The following AMOTL1 variants were observed in gnomAD, a reference collection of about 807,000 sequenced individuals.
AMOTL1 encodes angiomotin-like protein 1.
AMOTL1 carries 45 observed loss-of-function variants against 102.9 expected under a neutral mutation model. The observed-to-expected ratio is 0.44, with a 90% CI of 0.34 to 0.56. The LOEUF (loss-of-function observed/expected upper bound fraction) is 0.56. Ranked by LOEUF, AMOTL1 falls within the 20% of genes least tolerant of loss-of-function variation. The pLI, the probability that AMOTL1 is intolerant of heterozygous loss-of-function variation, is 0.01. For missense variants in AMOTL1, 1,114 were observed against 1,225.6 expected, an observed-to-expected ratio of 0.91 and a Z score of 1.36; for synonymous variants, 481 against 484.7, an observed-to-expected ratio of 0.99 and a Z score of 0.10.
In AMOTL1 at chr11:94,821,807, G is replaced by A. The variant is rs764323867; in HGVS notation, c.1399G>A (p.Asp467Asn). The A allele has an allele frequency of 1.4e-5, 22 of 1,613,728 alleles. No individual in the cohort carries two copies. The highest frequency in any genetic ancestry group is 1.0e-4 in the Admixed American group (6 of 60,000). ...ACTTCAGGGTTACTACGACAATGCC[G>A]ACAAGCTCCACAAGGTGCGTGACTT... ...QELQGYYDNADKLHKFEKELQ... is the reference protein window; with the variant it reads ...QELQGYYDNANKLHKFEKELQ... The change falls in exon 4 of 13, where the codon GAC becomes AAC. Residue 467 changes from aspartate to asparagine, a missense_variant. Physicochemically the swap from Asp to Asn is conservative, Grantham distance 23. Coordinates refer to ENST00000433060, the MANE Select transcript of AMOTL1 (RefSeq NM_130847.3).
At chr11:94,766,787 C>T (rs1950860086), upstream of AMOTL1, among the ~76,000 whole-genome samples, 1 of 152,234 alleles carries the variant, frequency 6.6e-6, no homozygotes, top group African/African-American at 2.4e-5. Flanking sequence ...AGTCATTCAA[C>T]AGCTATGCCT....
chr11:94,798,010 G>T (rs943690612), intron 2 of AMOTL1, among the ~76,000 whole-genome samples: 1 of 152,154 alleles, frequency 6.6e-6, no homozygotes, highest in Admixed American at 6.5e-5. Context: ...TTTGGAAGTG[G>T]GAATAAGATG....
Position 94,756,928 on chromosome 11 carries a change from G to A in AMOTL1, c.136+15940G>A, listed in dbSNP as rs115535564. Among the ~76,000 whole-genome samples, 608 of 151,556 alleles carry A rather than the reference G, an allele frequency of 4.0e-3. 7 individuals are homozygous for A. The highest frequency in any genetic ancestry group is 0.014 in the African/African-American group (573 of 41,168). The stretch of plus-strand genomic sequence containing the variant: ...CCCCTGCCTGAGTTTATATCAATCA[G>A]TTAATTAATATTCATTTGGGTATAG... On this transcript the variant is annotated intron_variant, in intron 3 of 4. Coordinates refer to the AMOTL1 transcript ENST00000299004.
At position 94,831,440 on chromosome 11, in the gene AMOTL1, C is replaced by T; in HGVS notation, c.1559-12C>T. 1 of 1,603,548 alleles carries T rather than the reference C, an allele frequency of 6.2e-7. No homozygotes were observed. The highest frequency in any genetic ancestry group is 8.5e-7 in the Non-Finnish European group (1 of 1,173,314). On this transcript the variant is annotated splice_polypyrimidine_tract_variant and intron_variant, in intron 5 of 12. Coordinates refer to ENST00000433060, the MANE Select transcript of AMOTL1 (RefSeq NM_130847.3). ...ATACATTTCTTTGTAATCATTTCCT[C>T]TTTGTTCATAGATCGACTAGAGACT...
intron 2 of AMOTL1, among the ~76,000 whole-genome samples, chr11:94,734,307 A>C (rs1347556526): frequency 6.6e-6 from 1 of 152,218 alleles, no homozygotes; most frequent in Non-Finnish European, 1.5e-5. Flanking sequence ...TACGAAACAA[A>C]GTAGTTACCT....
chr11:94,824,774 A>G (rs1339389087), intron 4 of AMOTL1, among the ~76,000 whole-genome samples: 1 of 152,210 alleles, frequency 6.6e-6, no homozygotes, highest in African/African-American at 2.4e-5. Context: ...CTTGTAGGAT[A>G]TGACCCCGCT....
chr11:94,801,236 TG>T (rs1204522233), intron 3 of AMOTL1, among the ~76,000 whole-genome samples: 1 of 152,184 alleles, frequency 6.6e-6, no homozygotes, highest in African/African-American at 2.4e-5. Flanking sequence ...CAGTATGTGC[TG>T]TGTGAGGGAG....
At chr11:94,733,954 T>G (rs887203566) in intron 2 of AMOTL1, among the ~76,000 whole-genome samples, 3 of 152,224 alleles carry the variant, frequency 2.0e-5, no homozygotes, top group Admixed American at 6.5e-5. Context: ...AAGATTCTTT[T>G]AAATCTTCCT....
chr11:94,868,785 G>A (rs1952933110), intron 11 of AMOTL1, among the ~76,000 whole-genome samples: 1 of 152,138 alleles, frequency 6.6e-6, no homozygotes, highest in South Asian at 2.1e-4. Context: ...GTAACAGCAA[G>A]CATGGTCTCT....
intron 1 of AMOTL1, among the ~76,000 whole-genome samples, chr11:94,780,616 G>T (rs1261833725): frequency 6.6e-6 from 1 of 152,180 alleles, no homozygotes; most frequent in East Asian, 1.9e-4. Flanking sequence ...CTTTACGGGG[G>T]TGATTCCTGT....
chr11:94,821,715 C>G lies in AMOTL1; in HGVS notation c.1307C>G (p.Ala436Gly). 6.2e-7 allele frequency: 1 copy of G among 1,614,002 alleles called. No individual in the cohort carries two copies. The highest frequency in any genetic ancestry group is 1.3e-5 in the African/African-American group (1 of 75,044). Residue 436 changes from alanine to glycine, a missense_variant, in exon 4 of 13, where the codon GCG becomes GGG. Transcript: ENST00000433060. ...CAGCAGCTTGGTCCAGATGCCTTTG[C>G]GATTGTGGAGCGAGCCCAGCAAATG... ...PSQQLGPDAF[A>G]IVERAQQMVE...
At chr11:94,786,263 T>C (rs1316915763) in intron 1 of AMOTL1, among the ~76,000 whole-genome samples, 1 of 152,256 alleles carries the variant, frequency 6.6e-6, no homozygotes, top group East Asian at 1.9e-4. Flanking sequence ...AGGCTAAATT[T>C]TAAAAATTAT....
intron 1 of AMOTL1, among the ~76,000 whole-genome samples, chr11:94,786,240 G>T (rs1337854161): frequency 6.6e-6 from 1 of 152,152 alleles, no homozygotes; most frequent in Non-Finnish European, 1.5e-5. Flanking sequence ...AGGACCTTTG[G>T]ATTTTATGTT....
chr11:94,813,567 C>G (rs536150102), intron 3 of AMOTL1, among the ~76,000 whole-genome samples: 1 of 152,380 alleles, frequency 6.6e-6, no homozygotes, highest in East Asian at 1.9e-4. Context: ...CATCCCTCCC[C>G]TCTCTCGCTA....
In AMOTL1 at chr11:94,821,722, G is replaced by A. The variant is rs767607889; in HGVS notation, c.1314G>A (p.Val438=). 2 of 1,614,044 alleles carry A rather than the reference G, an allele frequency of 1.2e-6. No individual in the cohort carries two copies. The highest frequency in any genetic ancestry group is 1.7e-6 in the Non-Finnish European group (2 of 1,179,900). ...QQLGPDAFAI[V]ERAQQMVEIL... ...TTGGTCCAGATGCCTTTGCGATTGT[G>A]GAGCGAGCCCAGCAAATGGTGGAGA... Residue 438 remains valine (V), a synonymous_variant, in exon 4 of 13, where the codon GTG becomes GTA. Transcript: ENST00000433060.
intron 1 of AMOTL1, among the ~76,000 whole-genome samples, chr11:94,788,892 G>C (rs1951236871): frequency 6.6e-6 from 1 of 152,192 alleles, no homozygotes; most frequent in Non-Finnish European, 1.5e-5. Flanking sequence ...TTCAGAGAGA[G>C]TCTAAGTTAA....
chr11:94,773,977 A>G (rs1012929337), intron 1 of AMOTL1, among the ~76,000 whole-genome samples: 7 of 152,222 alleles, frequency 4.6e-5, no homozygotes, highest in Non-Finnish European at 1.0e-4. Context: ...GTACATGCTG[A>G]AGCCTCATGA....
chr11:94,760,229 C>T (rs556830794), intron 3 of AMOTL1, among the ~76,000 whole-genome samples: 1 of 152,140 alleles, frequency 6.6e-6, no homozygotes, highest in East Asian at 1.9e-4. Context: ...CAGGTTGTTT[C>T]CATTTAATCT....
intron 1 of AMOTL1, among the ~76,000 whole-genome samples, chr11:94,790,319 T>TA (rs1951261748): frequency 6.6e-6 from 1 of 152,216 alleles, no homozygotes; most frequent in Non-Finnish European, 1.5e-5. Flanking sequence ...AACACCAGCC[T>TA]ATTAAATGAC....
Sources: allele counts gnomAD v4.1 joint callset (sites outside exome capture counted in the v4.1 genomes callset), GRCh38; gene constraint gnomAD v4.1.1; transcripts MANE v1.5; gene names NCBI Gene and HGNC (gene_info 2026-07-23, HGNC 2026-07-21).